PDE9A: variants seen among roughly 807,000 people sequenced by gnomAD.
PDE9A encodes high affinity cGMP-specific 3',5'-cyclic phosphodiesterase 9A.
In PDE9A, 60 loss-of-function variants were observed where a neutral mutation model predicts 87.4. The ratio of observed to expected loss-of-function variants is 0.69; its 90% CI spans 0.56 to 0.85. PDE9A has a LOEUF of 0.85. PDE9A is among the 40% of genes least tolerant of loss of function. The pLI is 0.00. For missense variants in PDE9A, 665 were observed against 779.0 expected, an observed-to-expected ratio of 0.85 and a Z score of 1.74; for synonymous variants, 272 against 279.4, an observed-to-expected ratio of 0.97 and a Z score of 0.27.
intron 14 of PDE9A, among the ~76,000 whole-genome samples, chr21:42,762,555 G>A (rs2055912933): frequency 1.3e-5 from 2 of 152,220 alleles, no homozygotes; most frequent in Non-Finnish European, 2.9e-5. Flanking sequence ...CTTAGCAAAG[G>A]TAGGGAGCCT....
intron 1 of PDE9A, among the ~76,000 whole-genome samples, chr21:42,667,818 G>A (rs2058110723): frequency 1.3e-5 from 2 of 152,066 alleles, no homozygotes; most frequent in South Asian, 4.2e-4. Context: ...TCCTGACTGG[G>A]ACCCACTTGG....
At chr21:42,761,578 C>T (rs1462824648) in intron 13 of PDE9A, among the ~76,000 whole-genome samples, 1 of 152,238 alleles carries the variant, frequency 6.6e-6, no homozygotes, top group Non-Finnish European at 1.5e-5. Flanking sequence ...TGCCTGAGAG[C>T]TCTGCTGCCA....
rs2060135637 is a variant in PDE9A, at chr21:42,696,278, C to T, written c.219-2690C>T. 1.3e-5 allele frequency among the ~76,000 whole-genome samples: 2 copies of T among 152,312 alleles called. No homozygotes were observed. Among genetic ancestry groups the T allele is most frequent in the South Asian group, 4.1e-4 (2 of 4,830 alleles). The stretch of plus-strand genomic sequence containing the variant: ...GGACACGCCTCTCTGGCTCTGTCCC[C>T]GCCGGCACTGTGTGGGATCCATGCT... On this transcript the variant is annotated intron_variant, in intron 3 of 19. Transcript: ENST00000291539. This position sits in a 1 kb window ranked among gnomAD's most constrained non-coding sequence, Gnocchi z 5.1.
At chr21:42,744,225 T>C (rs1318741037) in intron 8 of PDE9A, among the ~76,000 whole-genome samples, 1 of 152,050 alleles carries the variant, frequency 6.6e-6, no homozygotes, top group Non-Finnish European at 1.5e-5. Flanking sequence ...TGGTGGCACA[T>C]GCCTGTAACC....
chr21:42,674,572 G>A (rs1217492841), intron 1 of PDE9A, among the ~76,000 whole-genome samples: 1 of 152,064 alleles, frequency 6.6e-6, no homozygotes, highest in African/African-American at 2.4e-5. Flanking sequence ...GCAGAACCAG[G>A]GAGGCCTCTC....
chr21:42,717,294 C>CTT lies in PDE9A; in HGVS notation c.263-14455_263-14454dup, dbSNP rs57599893. Among the ~76,000 whole-genome samples the CTT allele has an allele frequency of 3.6e-3, 303 of 85,206 alleles. 2 individuals carry two copies. The highest frequency in any genetic ancestry group is 9.1e-3 in the Middle Eastern group (1 of 110). 55.9% of individuals were successfully genotyped at this position (85,206 alleles called of 152,430 possible). A position where few individuals can be genotyped will look rare whatever the true frequency, so the allele number is the denominator to read the frequency against. On this transcript the variant is annotated intron_variant, in intron 4 of 19. Transcript: ENST00000291539. ...TCAGCTTTTGCTGATTGGAACATGC[C>CTT]TTTTTTTTTTTTTTTTTTTTTTGAA...
intron 4 of PDE9A, among the ~76,000 whole-genome samples, chr21:42,725,551 T>G (rs185809645): frequency 6.6e-6 from 1 of 152,252 alleles, no homozygotes; most frequent in African/African-American, 2.4e-5. Context: ...TGGTCTCTAT[T>G]TGTATGATGT....
chr21:42,674,666 C>CAG (rs1359439940), intron 1 of PDE9A, among the ~76,000 whole-genome samples: 2 of 152,182 alleles, frequency 1.3e-5, no homozygotes, highest in African/African-American at 4.8e-5. Flanking sequence ...TGCTGCCTCC[C>CAG]ACTGCCCCAT....
chr21:42,670,288 C>T (rs1292092802), intron 1 of PDE9A, among the ~76,000 whole-genome samples: 2 of 149,726 alleles, frequency 1.3e-5, no homozygotes, highest in Non-Finnish European at 3.0e-5. Flanking sequence ...TTCACACATA[C>T]ACATTCACAC....
At chr21:42,747,556 G>A (rs1467976907) in intron 8 of PDE9A, among the ~76,000 whole-genome samples, 3 of 152,280 alleles carry the variant, frequency 2.0e-5, no homozygotes. Flanking sequence ...TGGCATCGGG[G>A]TCCGGCACAC....
intron 6 of PDE9A, among the ~76,000 whole-genome samples, chr21:42,732,623 C>G (rs980984904): frequency 2.0e-5 from 3 of 152,138 alleles, no homozygotes; most frequent in African/African-American, 7.2e-5. Context: ...TTTTTAAAAA[C>G]CTTTGAATTG....
chr21:42,697,332 A>G (rs1181115016), intron 3 of PDE9A: 1 of 813,568 alleles, frequency 1.2e-6, no homozygotes, highest in Non-Finnish European at 2.1e-6. Context: ...GTAACCATCA[A>G]ACCACATGTA....
In PDE9A at chr21:42,740,626, A is replaced by G. The variant is rs10887975; in HGVS notation, c.569-3150A>G. Among the ~76,000 whole-genome samples the G allele has an allele frequency of 3.1e-3, 45 of 14,730 alleles. No homozygotes were observed. The East Asian group carries it at 0.11, about 35-fold the overall frequency. 9.7% of individuals were successfully genotyped at this position (14,730 alleles called of 152,430 possible). On this transcript the variant is annotated intron_variant, in intron 7 of 19. Coordinates refer to ENST00000291539, the MANE Select transcript of PDE9A (RefSeq NM_002606.3). The stretch of plus-strand genomic sequence containing the variant: ...GGATGGATGGATGGATGGATGGATG[A>G]ATGGATACATAGATGAATGGATGGA...
chr21:42,769,169 A>C lies in PDE9A; in HGVS notation c.1590+14A>C, dbSNP rs750703215. The C allele has an allele frequency of 1.2e-4, 195 of 1,565,704 alleles. No homozygotes were observed. The highest frequency in any genetic ancestry group is 1.6e-4 in the Non-Finnish European group (187 of 1,152,716). On this transcript the variant is annotated intron_variant, in intron 17 of 19. Transcript: ENST00000291539. ...ACAGTGACCAAGGTGAGTAACTGTCACCACATGTCACACTTGCTTACACTC... is the reference window on the plus strand; with the variant it reads ...ACAGTGACCAAGGTGAGTAACTGTCCCCACATGTCACACTTGCTTACACTC...
intron 1 of PDE9A, among the ~76,000 whole-genome samples, chr21:42,669,001 C>G (rs1223879896): frequency 6.6e-6 from 1 of 151,728 alleles, no homozygotes. Context: ...CTTCACCATC[C>G]CCTCCTGAAG....
At chr21:42,754,172 T>A in intron 10 of PDE9A, 108 bp downstream of exon 10, 1 of 602,528 alleles carries the variant, frequency 1.7e-6, no homozygotes, top group Non-Finnish European at 2.9e-6. Context: ...TTTTTCCTCT[T>A]CTTTTTAAAG....
At chr21:42,740,299 CCAG>C (rs1202785135) in intron 7 of PDE9A, among the ~76,000 whole-genome samples, 2 of 151,990 alleles carry the variant, frequency 1.3e-5, no homozygotes, top group Non-Finnish European at 2.9e-5. Flanking sequence ...CAAAAATTAG[CCAG>C]GTGTGGCGGT....
chr21:42,704,868 G>A lies in PDE9A; in HGVS notation c.262+5857G>A, dbSNP rs1316361856. Among the ~76,000 whole-genome samples the A allele has an allele frequency of 2.0e-5, 3 of 152,224 alleles. No homozygotes were observed. The highest frequency in any genetic ancestry group is 1.9e-4 in the East Asian group (1 of 5,206). Reference sequence around the variant, plus strand: ...GCAGGTTTCAGTAAATGCCTCTAACGGGCCCGGTGGAACTGTGCAATGCAG... The same window carrying A: ...GCAGGTTTCAGTAAATGCCTCTAACAGGCCCGGTGGAACTGTGCAATGCAG... On this transcript the variant is annotated intron_variant, in intron 4 of 19. Coordinates refer to ENST00000291539, the MANE Select transcript of PDE9A (RefSeq NM_002606.3). This position sits in a 1 kb window ranked among gnomAD's most constrained non-coding sequence, Gnocchi z 5.3.
At position 42,726,620 on chromosome 21, in the gene PDE9A, A is replaced by ATTT. The variant is rs1246828424; in HGVS notation, c.263-5149_263-5148insTTT. On this transcript the variant is annotated intron_variant, in intron 4 of 19. Coordinates refer to ENST00000291539, the MANE Select transcript of PDE9A (RefSeq NM_002606.3). ...TATATATATATATATATATATATAT[A>ATTT]TATATTTTTTTTTTTTTTTTTGTAG... 3.7e-4 allele frequency among the ~76,000 whole-genome samples: 9 copies of ATTT among 24,232 alleles called. 1 individual carries two copies. The highest frequency in any genetic ancestry group is 1.2e-3 in the African/African-American group (5 of 4,082). The allele number at this position is 24,232 out of a possible 152,430, so 15.9% of individuals were successfully genotyped here.
Sources: allele counts gnomAD v4.1 joint callset (sites outside exome capture counted in the v4.1 genomes callset), GRCh38; gene constraint gnomAD v4.1.1; non-coding constraint Gnocchi (gnomAD v3.1); transcripts MANE v1.5; gene names NCBI Gene and HGNC (gene_info 2026-07-23, HGNC 2026-07-21).